AGBL4: variants seen among roughly 807,000 people sequenced by gnomAD.
AGBL4 encodes the protein cytosolic carboxypeptidase 6.
AGBL4 carries 58 observed loss-of-function variants against 66.4 expected under a neutral mutation model. The observed-to-expected ratio is 0.87, with a 90% CI of 0.71 to 1.09. AGBL4 has a LOEUF of 1.09. AGBL4 is among the 50% of genes least tolerant of loss of function. AGBL4 has a pLI of 0.00. For missense variants in AGBL4, 579 were observed against 631.0 expected, an observed-to-expected ratio of 0.92 and a Z score of 0.88; for synonymous variants, 234 against 222.9, an observed-to-expected ratio of 1.05 and a Z score of -0.44.
chr1:49,456,293 G>C (rs866619061), intron 3 of AGBL4, among the ~76,000 whole-genome samples: 41 of 151,806 alleles, frequency 2.7e-4, no homozygotes, highest in Middle Eastern at 6.8e-3. Context: ...ACAGAGCCTT[G>C]TCAGGCCTTC....
intron 5 of AGBL4, among the ~76,000 whole-genome samples, chr1:48,958,351 C>T (rs569022891): frequency 6.6e-6 from 1 of 152,186 alleles, no homozygotes; most frequent in South Asian, 2.1e-4. Context: ...TTCTTATTCT[C>T]TCTTCTGCCA....
At chr1:49,139,779 G>T (rs1441776344) in intron 4 of AGBL4, among the ~76,000 whole-genome samples, 1 of 152,078 alleles carries the variant, frequency 6.6e-6, no homozygotes, top group African/African-American at 2.4e-5. Flanking sequence ...TTGACAAGCG[G>T]CTATTTTAAT....
At chr1:49,117,180 T>G (rs1425297883) in intron 4 of AGBL4, among the ~76,000 whole-genome samples, 1 of 152,210 alleles carries the variant, frequency 6.6e-6, no homozygotes, top group Non-Finnish European at 1.5e-5. Context: ...GCCTGTTCAC[T>G]CTGATGGAAG....
chr1:48,773,255 A>G (rs1353684047), intron 6 of AGBL4, among the ~76,000 whole-genome samples: 1 of 152,148 alleles, frequency 6.6e-6, no homozygotes, highest in Non-Finnish European at 1.5e-5. Flanking sequence ...CTCCTAAAAA[A>G]AAAATAAAAT....
At chr1:49,175,871 A>C (rs988572682) in intron 4 of AGBL4, among the ~76,000 whole-genome samples, 1 of 152,140 alleles carries the variant, frequency 6.6e-6, no homozygotes, top group Admixed American at 6.5e-5. Context: ...AAAAGATAAG[A>C]TGCTACCTGT....
intron 7 of AGBL4, among the ~76,000 whole-genome samples, chr1:48,660,516 A>C (rs1646090635): frequency 6.6e-6 from 1 of 152,214 alleles, no homozygotes; most frequent in Non-Finnish European, 1.5e-5. Context: ...ATGACTGAGG[A>C]AGAAACTCCC....
chr1:49,818,894 G>A (rs1645296753), intron 2 of AGBL4, among the ~76,000 whole-genome samples: 1 of 152,072 alleles, frequency 6.6e-6, no homozygotes, highest in African/African-American at 2.4e-5. Flanking sequence ...AGTCATCTGT[G>A]GCTAGCAAAA....
intron 1 of AGBL4, among the ~76,000 whole-genome samples, chr1:50,022,568 T>C (rs148633571): frequency 6.6e-6 from 1 of 151,392 alleles, no homozygotes; most frequent in Non-Finnish European, 1.5e-5. Context: ...GAGGGTGTCA[T>C]AGTTTTCAGT....
At chr1:48,807,888 G>T (rs1645963100) in intron 6 of AGBL4, among the ~76,000 whole-genome samples, 1 of 152,112 alleles carries the variant, frequency 6.6e-6, no homozygotes, top group Admixed American at 6.5e-5. Context: ...AGGGCTTTTA[G>T]GGGTAGAGAA....
chr1:49,930,294 T>C (rs1370291195), intron 1 of AGBL4, among the ~76,000 whole-genome samples: 2 of 151,960 alleles, frequency 1.3e-5, no homozygotes, highest in African/African-American at 2.4e-5. Flanking sequence ...AAGCTTCATA[T>C]AAAATAAAGA....
At chr1:48,650,136 C>T (rs1460827906) in intron 8 of AGBL4, among the ~76,000 whole-genome samples, 1 of 152,210 alleles carries the variant, frequency 6.6e-6, no homozygotes, top group Non-Finnish European at 1.5e-5. Context: ...CTTTGGTTCT[C>T]CTCCCAGGGT....
At chr1:49,948,052 A>ATATATGTATATG (rs1655521082) in intron 1 of AGBL4, among the ~76,000 whole-genome samples, 1 of 1,320 alleles carries the variant, frequency 7.6e-4, no homozygotes, top group Non-Finnish European at 5.2e-3. Flanking sequence ...AAATATATAA[A>ATATATGTATATG]TATATATATG....
intron 5 of AGBL4, among the ~76,000 whole-genome samples, chr1:49,023,610 T>C (rs1020085891): frequency 2.0e-5 from 3 of 152,188 alleles, no homozygotes; most frequent in Non-Finnish European, 4.4e-5. Context: ...CTATATTAAC[T>C]CTAATTGCAA....
intron 3 of AGBL4, among the ~76,000 whole-genome samples, chr1:49,348,426 A>T (rs547863038): frequency 6.4e-4 from 97 of 152,306 alleles, no homozygotes; most frequent in Non-Finnish European, 9.8e-4. Context: ...GTCTCAAAAA[A>T]AAAAATAAAA....
intron 6 of AGBL4, among the ~76,000 whole-genome samples, chr1:48,667,705 T>C (rs1646211073): frequency 6.6e-6 from 1 of 152,230 alleles, no homozygotes; most frequent in African/African-American, 2.4e-5. Flanking sequence ...TTGCATCTTA[T>C]CTATTGATGC....
intron 3 of AGBL4, among the ~76,000 whole-genome samples, chr1:49,429,852 T>A (rs181820580): frequency 0.022 from 2,924 of 131,570 alleles, 30 homozygotes; most frequent in African/African-American, 0.038. Flanking sequence ...TTGAATATAT[T>A]TTTTTTTTTT....
At chr1:49,597,857 C>T (rs1424366427) in intron 3 of AGBL4, among the ~76,000 whole-genome samples, 1 of 152,160 alleles carries the variant, frequency 6.6e-6, no homozygotes, top group African/African-American at 2.4e-5. Context: ...GATTTTTGCA[C>T]ATTGATTTTC....
chr1:48,600,599 G>A (rs1250586269), intron 9 of AGBL4, among the ~76,000 whole-genome samples: 2 of 152,154 alleles, frequency 1.3e-5, no homozygotes, highest in African/African-American at 2.4e-5. Flanking sequence ...TCCTATAAGG[G>A]TAATAACATC....
chr1:49,657,824 G>A (rs1337260408), intron 3 of AGBL4, among the ~76,000 whole-genome samples: 3 of 152,232 alleles, frequency 2.0e-5, no homozygotes, highest in Non-Finnish European at 4.4e-5. Flanking sequence ...GCTGAAACTG[G>A]ATCCCTTCCT....
Sources: allele counts gnomAD v4.1 joint callset (sites outside exome capture counted in the v4.1 genomes callset), GRCh38; gene constraint gnomAD v4.1.1; transcripts MANE v1.5; gene names NCBI Gene and HGNC (gene_info 2026-07-23, HGNC 2026-07-21).